The following TTN variants were observed in gnomAD, a reference collection of about 807,000 sequenced individuals.
TTN encodes titin.
Under a neutral mutation model 3,223.0 loss-of-function variants are expected in TTN, and 1,525 were observed. The observed-to-expected ratio is 0.47, with a 90% confidence interval of 0.45 to 0.49. TTN has a LOEUF of 0.49. TTN is among the 20% of genes least tolerant of loss of function. The pLI is 0.00. For missense variants in TTN, 40,786 were observed against 43,424.0 expected, an observed-to-expected ratio of 0.94 and a Z score of 5.40; for synonymous variants, 14,094 against 15,161.0, an observed-to-expected ratio of 0.93 and a Z score of 5.17.
At chr2:178,652,234 T>C (rs1300393525) in intron 203 of TTN, 30 bp downstream of exon 203, 2 of 1,613,054 alleles carry the variant, frequency 1.2e-6, no homozygotes, top group Admixed American at 1.7e-5. Flanking sequence ...AAACAAACAA[T>C]ATCAAACACA....
Position 178,564,818 on chromosome 2 carries a change from A to G in TTN, c.81314T>C (p.Ile27105Thr), listed in dbSNP as rs763598647. The change falls in exon 326 of 363, where the codon ATT becomes ACT. Residue 27105 changes from isoleucine (I) to threonine (T), a missense_variant. Transcript: ENST00000589042. The part of the protein sequence containing the change: ...EPVNDGGTKI[I>T]GYHLEQKEKN... Reference sequence around the variant, plus strand: ...TTCTTTCTGTTCAAGATGGTAGCCAATAATTTTGGTGCCTCCATCATTCAC... The same window carrying G: ...TTCTTTCTGTTCAAGATGGTAGCCAGTAATTTTGGTGCCTCCATCATTCAC... The G allele has an allele frequency of 4.3e-6, 7 of 1,612,928 alleles. No homozygotes were observed. Among genetic ancestry groups the G allele is most frequent in the Non-Finnish European group, 5.9e-6 (7 of 1,179,504 alleles).
chr2:178,537,927 A>G lies in TTN; in HGVS notation c.99290-10T>C. The G allele has an allele frequency of 6.3e-7, 1 of 1,584,956 alleles. No homozygotes were observed. The highest frequency in any genetic ancestry group is 8.6e-7 in the Non-Finnish European group (1 of 1,163,912). On this transcript the variant is annotated splice_polypyrimidine_tract_variant and intron_variant, in intron 354 of 362. Transcript: ENST00000589042. ...CCTGGGGCCTCTCCAGCTGAACAAT[A>G]TGAAAGATAATATTAAGTGACTGTT...
At chr2:178,676,867 T>A (rs1394802568) in intron 147 of TTN, among the ~76,000 whole-genome samples, 1 of 151,696 alleles carries the variant, frequency 6.6e-6, no homozygotes, top group Non-Finnish European at 1.5e-5. Context: ...GAATATTTAT[T>A]CATAATAGTT....
In TTN at chr2:178,616,592, T is replaced by C. The variant is rs1272100018; in HGVS notation, c.48199A>G (p.Ile16067Val). The C allele has an allele frequency of 6.2e-7, 1 of 1,612,364 alleles. No homozygotes were observed. ...GTCAAATGTACTGAGTCCTTGGTTA[T>C]ATCACCAAATTTCAATTCTTTGGGT... ...SAPKELKFGD[I>V]TKDSVHLTWE... Residue 16067 changes from isoleucine (I) to valine (V), a missense_variant, in exon 257 of 363, where the codon ATA becomes GTA. By Grantham distance (29) the Ile-to-Val change is conservative. Coordinates refer to ENST00000589042, the MANE Select transcript of TTN (RefSeq NM_001267550.2).
chr2:178,773,161 T>G lies in TTN; in HGVS notation c.7803A>C (p.Lys2601Asn), dbSNP rs988264686. The G allele has an allele frequency of 6.2e-7, 1 of 1,613,882 alleles. No individual in the cohort carries two copies. Among genetic ancestry groups the G allele is most frequent in the Admixed American group, 1.7e-5 (1 of 59,978 alleles). Reference protein sequence around the residue: ...VLNMMKDDEGKYTFYAGENMT... With the variant: ...VLNMMKDDEGNYTFYAGENMT... ...TATTTTCTCCCGCGTAAAATGTGTA[T>G]TTTCCTTCATCATCTTTCATCATAT... Residue 2601 changes from lysine to asparagine, a missense_variant, in exon 33 of 363, where the codon AAA becomes AAC. By Grantham distance (94) the Lys-to-Asn change is moderately conservative. Coordinates refer to ENST00000589042, the MANE Select transcript of TTN (RefSeq NM_001267550.2).
In TTN at chr2:178,546,094, C is replaced by T. The variant is rs778264220; in HGVS notation, c.95142G>A (p.Lys31714=). The change falls in exon 343 of 363, where the codon AAG becomes AAA. Residue 31714 remains lysine, a synonymous_variant. Coordinates refer to ENST00000589042, the MANE Select transcript of TTN (RefSeq NM_001267550.2). ...CCTGTGTTACTCTGCTGACGGTGAG[C>T]TTTCCACATGGGCCAGGGGAATCTG... ...KVLDSPGPCG[K]LTVSRVTQEK... The T allele has an allele frequency of 6.2e-7, 1 of 1,609,560 alleles. No individual in the cohort carries two copies. Among genetic ancestry groups the T allele is most frequent in the Non-Finnish European group, 8.5e-7 (1 of 1,177,032 alleles).
At chr2:178,649,690 C>G in intron 211 of TTN, 59 bp from the exon 212 acceptor site, 1 of 1,536,470 alleles carries the variant, frequency 6.5e-7, no homozygotes, top group Non-Finnish European at 8.9e-7. Flanking sequence ...GATATACATA[C>G]AAGTTTATTC....
Position 178,651,983 on chromosome 2 carries a change from C to A in TTN, c.39296-16G>T. ...TCCTCGAACACTTTAAAGACATGAG[C>A]TCATTTTAATGCCAGAATTGACTAA... On this transcript the variant is annotated splice_polypyrimidine_tract_variant and intron_variant, in intron 204 of 362. Coordinates refer to ENST00000589042, the MANE Select transcript of TTN (RefSeq NM_001267550.2). 1 of 1,610,666 alleles carries A rather than the reference C, an allele frequency of 6.2e-7. No homozygotes were observed. The highest frequency in any genetic ancestry group is 8.5e-7 in the Non-Finnish European group (1 of 1,178,354).
intron 157 of TTN, 67 bp downstream of exon 157, chr2:178,670,151 T>C (rs2066720649): frequency 9.8e-7 from 1 of 1,016,702 alleles, no homozygotes; most frequent in African/African-American, 1.7e-5. Flanking sequence ...AAGAGAAAGG[T>C]CTCTCTTACA....
At position 178,539,124 on chromosome 2, in the gene TTN, T is replaced by C; in HGVS notation, c.98811A>G (p.Lys32937=). 2.5e-6 allele frequency: 4 copies of C among 1,613,794 alleles called. No homozygotes were observed. Among genetic ancestry groups the C allele is most frequent in the Non-Finnish European group, 3.4e-6 (4 of 1,179,760 alleles). ...SRVTGYYIER[K]ETSTDKWVRH... ...TGACCCACTTGTCAGTGGATGTCTC[T>C]TTGCGTTCGATGTAGTAGCCTGTGA... The change falls in exon 353 of 363, where the codon AAA becomes AAG. Residue 32937 remains lysine (K), a synonymous_variant. Coordinates refer to ENST00000589042, the MANE Select transcript of TTN (RefSeq NM_001267550.2).
intron 117 of TTN, 150 bp downstream of exon 117, chr2:178,694,449 T>C: frequency 1.9e-6 from 1 of 536,756 alleles, no homozygotes; most frequent in Non-Finnish European, 3.3e-6. Context: ...ATTAAACATA[T>C]GTGCAACTCA....
intron 41 of TTN, among the ~76,000 whole-genome samples, chr2:178,765,269 A>G (rs193055684): frequency 1.3e-5 from 2 of 152,342 alleles, no homozygotes; most frequent in East Asian, 3.9e-4. Flanking sequence ...GTTATGTACC[A>G]GTGCCAGTAA....
chr2:178,669,196 G>C (rs2066521431), intron 159 of TTN, among the ~76,000 whole-genome samples, 177 bp downstream of exon 159: 1 of 152,028 alleles, frequency 6.6e-6, no homozygotes, highest in Non-Finnish European at 1.5e-5. Context: ...AAATTGGTGA[G>C]GAAATATAAC....
At chr2:178,755,581 C>T (rs936198452) in intron 46 of TTN, among the ~76,000 whole-genome samples, 1 of 152,136 alleles carries the variant, frequency 6.6e-6, no homozygotes, top group African/African-American at 2.4e-5. Context: ...GGATTACAGG[C>T]ATGCACCAAC....
intron 116 of TTN, 47 bp from the exon 117 acceptor site, chr2:178,694,723 T>A (rs1156837058): frequency 6.6e-7 from 1 of 1,513,262 alleles, no homozygotes; most frequent in Non-Finnish European, 8.9e-7. Context: ...GAATATTGCT[T>A]TGCACAAAAT....
rs1322069971 is a variant in TTN at position 178,722,740 on chromosome 2, T to G, written c.22159A>C (p.Ile7387Leu). The part of the protein sequence containing the change: ...VATLVFNKVN[I>L]NDSGEYTCKA... ...CATGTGTACTCTCCACTGTCATTGA[T>G]GTTCACTTTATTAAAAACAAGTGTG... is the stretch of plus-strand genomic sequence containing the variant. Residue 7387 changes from isoleucine to leucine, a missense_variant, in exon 76 of 363, where the codon ATC becomes CTC. By Grantham distance (5) the Ile-to-Leu change is conservative. Transcript: ENST00000589042. 1.2e-6 allele frequency: 2 copies of G among 1,613,266 alleles called. No homozygotes were observed. Among genetic ancestry groups the G allele is most frequent in the Non-Finnish European group, 8.5e-7 (1 of 1,179,502 alleles).
Position 178,527,195 on chromosome 2 carries a change from G to A in TTN, c.107793C>T (p.Ser35931=). 1 of 1,613,944 alleles carries A rather than the reference G, an allele frequency of 6.2e-7. No individual in the cohort carries two copies. The highest frequency in any genetic ancestry group is 2.2e-5 in the East Asian group (1 of 44,884). Reference sequence around the variant, plus strand: ...GACTGTGGATTTTTCTTCCACCACAGGACCATGTTACTTCTGGGGTAGGCT... The same window carrying A: ...GACTGTGGATTTTTCTTCCACCACAAGACCATGTTACTTCTGGGGTAGGCT... The part of the protein sequence containing the change: ...TGEPTPEVTW[S]CGGRKIHSQE... The change falls in exon 363 of 363, where the codon TCC becomes TCT. Residue 35931 remains serine, a synonymous_variant. Transcript: ENST00000589042.
In TTN at chr2:178,591,149, T is replaced by C. The variant is rs778528252; in HGVS notation, c.60576A>G (p.Ser20192=). 1.3e-6 allele frequency: 2 copies of C among 1,595,966 alleles called. No individual in the cohort carries two copies. The highest frequency in any genetic ancestry group is 1.1e-5 in the South Asian group (1 of 90,742). Reference sequence around the variant, plus strand: ...CTCCATCATCCTTAGGTGGCTGCCATGAGATAGTCATGTGTTCAGGAGTAA... The same window carrying C: ...CTCCATCATCCTTAGGTGGCTGCCACGAGATAGTCATGTGTTCAGGAGTAA... The part of the protein sequence containing the change: ...LDVTPEHMTI[S]WQPPKDDGGS... The change falls in exon 304 of 363, where the codon TCA becomes TCG. Residue 20192 remains serine, a synonymous_variant. Coordinates refer to ENST00000589042, the MANE Select transcript of TTN (RefSeq NM_001267550.2).
In TTN at chr2:178,679,328, T is replaced by A. The variant is rs72650042; in HGVS notation, c.33742+11A>T. ...ATCATGCTATTCCACTGATGGATTA[T>A]AAGGATGTACCTTTTGCTGGCGGAG... On this transcript the variant is annotated intron_variant, in intron 142 of 362. Coordinates refer to ENST00000589042, the MANE Select transcript of TTN (RefSeq NM_001267550.2). The A allele has an allele frequency of 6.2e-7, 1 of 1,612,176 alleles. No individual in the cohort carries two copies. Among genetic ancestry groups the A allele is most frequent in the South Asian group, 1.1e-5 (1 of 91,008 alleles).
Sources: gnomAD v4.1 joint callset for allele counts (sites outside exome capture counted in the v4.1 genomes callset) on GRCh38, gnomAD v4.1.1 for gene constraint, MANE v1.5 for transcripts, NCBI Gene and HGNC (gene_info 2026-07-23, HGNC 2026-07-21) for gene names.